ST8SIA5: variants seen among roughly 807,000 people sequenced by gnomAD.
ST8SIA5 encodes ST8 alpha-N-acetyl-neuraminide alpha-2,8-sialyltransferase 5, also known as alpha-2,8-sialyltransferase 8E.
A neutral mutation model predicts 40.2 loss-of-function variants in ST8SIA5; 24 were observed. The observed-to-expected ratio is 0.60, with a 90% CI of 0.43 to 0.84. The LOEUF (loss-of-function observed/expected upper bound fraction) is 0.84, where lower values mean the gene tolerates loss of function less well. Ranked by LOEUF, ST8SIA5 falls within the 40% of genes least tolerant of loss-of-function variation. ST8SIA5 has a pLI of 0.00. For synonymous variants in ST8SIA5, 198 were observed against 201.8 expected, an observed-to-expected ratio of 0.98 and a Z score of 0.16; for missense variants, 465 against 498.5, an observed-to-expected ratio of 0.93 and a Z score of 0.64.
intron 1 of ST8SIA5, chr18:46,730,276 G>A (rs1599141255): frequency 2.0e-6 from 2 of 984,220 alleles, no homozygotes; most frequent in Non-Finnish European, 2.4e-6. Context: ...CTAGCAGTGT[G>A]ACTCTCAGCA....
chr18:46,682,152 C>T (rs1379947891), intron 5 of ST8SIA5, 88 bp from the exon 6 acceptor site: 2 of 1,045,752 alleles, frequency 1.9e-6, no homozygotes, highest in Non-Finnish European at 2.7e-6. Flanking sequence ...GGATGGTGAT[C>T]ATGTGGGCAG....
rs2039304866 is a variant in ST8SIA5 at position 46,670,841 on chromosome 18, C to G, written c.*9201G>C. On this transcript the variant is annotated 3_prime_UTR_variant, in exon 7 of 7. Transcript: ENST00000315087. ...ATGCCATCACAATTTAGGCTATTAG[C>G]TGCCACTTCTTGCTTTATCTAGCAC... 1 of 152,122 alleles carries G rather than the reference C, an allele frequency of 6.6e-6. No homozygotes were observed. The highest frequency in any genetic ancestry group is 2.4e-5 in the African/African-American group (1 of 41,430). The allele number at this position is 152,122 out of a possible 1,614,324, so 9.4% of individuals were successfully genotyped here.
intron 1 of ST8SIA5, among the ~76,000 whole-genome samples, chr18:46,743,940 C>T (rs2040112488): frequency 6.6e-6 from 1 of 152,196 alleles, no homozygotes; most frequent in Admixed American, 6.5e-5. Flanking sequence ...ATTTTCAACC[C>T]AGAATTTCAT....
rs144393434 is a variant in ST8SIA5 at position 46,754,604 on chromosome 18, A to G, written c.131+1774T>C. Among the ~76,000 whole-genome samples, 508 of 152,278 alleles carry G rather than the reference A, an allele frequency of 3.3e-3. 2 individuals carry two copies. The highest frequency in any genetic ancestry group is 6.8e-3 in the Middle Eastern group (2 of 294). The stretch of plus-strand genomic sequence containing the variant: ...GAGTGAGGCCTGCAAGATAGCATCT[A>G]TGCGATTCAGGGGGTCAGGGTCTCT... On this transcript the variant is annotated intron_variant, in intron 1 of 6. Transcript: ENST00000315087.
intron 2 of ST8SIA5, among the ~76,000 whole-genome samples, chr18:46,693,966 T>C (rs894179657): frequency 4.6e-5 from 7 of 152,240 alleles, no homozygotes; most frequent in African/African-American, 1.7e-4. Context: ...AACCAATTCC[T>C]TCCTGCTTTC....
intron 1 of ST8SIA5, among the ~76,000 whole-genome samples, chr18:46,717,190 A>G (rs1372817650): frequency 6.6e-6 from 1 of 152,238 alleles, no homozygotes; most frequent in African/African-American, 2.4e-5. Context: ...AGGCCAGTCC[A>G]GAGGGAACAG....
chr18:46,732,348 C>T (rs34679128), intron 1 of ST8SIA5, among the ~76,000 whole-genome samples: 83,421 of 152,082 alleles, frequency 0.55, 23,258 homozygotes, highest in African/African-American at 0.64. Context: ...AGTCCTGACT[C>T]CCAGTTCAGG....
rs1274315553 is a variant in ST8SIA5, at chr18:46,674,478, C to T, written c.*5564G>A. 6.6e-6 allele frequency: 1 copy of T among 152,184 alleles called. No homozygotes were observed. Among genetic ancestry groups the T allele is most frequent in the Admixed American group, 6.5e-5 (1 of 15,284 alleles). The allele number at this position is 152,184 out of a possible 1,614,324, so 9.4% of individuals were successfully genotyped here. On this transcript the variant is annotated 3_prime_UTR_variant, in exon 7 of 7. Coordinates refer to ENST00000315087, the MANE Select transcript of ST8SIA5 (RefSeq NM_013305.6). ...GGACTCTCCTCAGCTGACAATTTCC[C>T]CAAGGTGTTACTCAGTTTATTAGCG...
At chr18:46,714,909 A>T (rs1326861387) in intron 1 of ST8SIA5, among the ~76,000 whole-genome samples, 1 of 152,138 alleles carries the variant, frequency 6.6e-6, no homozygotes, top group Non-Finnish European at 1.5e-5. Context: ...AAAGCCATAA[A>T]GCTTTGGGTT....
Position 46,669,268 on chromosome 18 carries a change from G to C in ST8SIA5, c.*10774C>G, listed in dbSNP as rs1459525664. The C allele has an allele frequency of 6.6e-6, 1 of 152,284 alleles. No homozygotes were observed. Among genetic ancestry groups the C allele is most frequent in the Non-Finnish European group, 1.5e-5 (1 of 68,162 alleles). 9.4% of individuals were successfully genotyped at this position (152,284 alleles called of 1,614,324 possible). A position where few individuals can be genotyped will look rare whatever the true frequency, so the allele number is the denominator to read the frequency against. On this transcript the variant is annotated 3_prime_UTR_variant, in exon 7 of 7. Coordinates refer to ENST00000315087, the MANE Select transcript of ST8SIA5 (RefSeq NM_013305.6). ...GGGCTAGAGCGGGACACTGGCCACC[G>C]TCCCCTGCCCTCCAGTTCCTCCCAC...
At chr18:46,690,863 G>A (rs773397389) in intron 3 of ST8SIA5, among the ~76,000 whole-genome samples, 9 of 152,048 alleles carry the variant, frequency 5.9e-5, no homozygotes, top group African/African-American at 1.9e-4. Context: ...TGATTCACCC[G>A]CCTTGGCCTC....
intron 1 of ST8SIA5, among the ~76,000 whole-genome samples, chr18:46,744,191 C>T (rs956679718): frequency 3.3e-5 from 5 of 152,256 alleles, no homozygotes; most frequent in Admixed American, 6.5e-5. Context: ...ATCATAATGA[C>T]GGGATCAAAT....
chr18:46,756,929 C>A lies in ST8SIA5; in HGVS notation c.-421G>T, dbSNP rs1445057807. Reference sequence around the variant, plus strand: ...CTGTGCGCCCCAGCGCGCCGCGCATCGACCCCTCCAGTCCGGCGCCGGATC... The same window carrying A: ...CTGTGCGCCCCAGCGCGCCGCGCATAGACCCCTCCAGTCCGGCGCCGGATC... On this transcript the variant is annotated 5_prime_UTR_variant, in exon 1 of 7. Coordinates refer to ENST00000315087, the MANE Select transcript of ST8SIA5 (RefSeq NM_013305.6). The A allele has an allele frequency of 1.1e-5, 2 of 181,178 alleles. No individual in the cohort carries two copies. Among genetic ancestry groups the A allele is most frequent in the African/African-American group, 4.8e-5 (2 of 41,756 alleles). The allele number at this position is 181,178 out of a possible 1,614,324, so 11.2% of individuals were successfully genotyped here.
At chr18:46,755,890 G>A (rs2144581068) in intron 1 of ST8SIA5, among the ~76,000 whole-genome samples, 1 of 152,238 alleles carries the variant, frequency 6.6e-6, no homozygotes, top group South Asian at 2.1e-4. Context: ...CACCCCCACC[G>A]AACCCGAAGC....
intron 1 of ST8SIA5, among the ~76,000 whole-genome samples, chr18:46,708,360 G>C (rs2039689555): frequency 6.6e-6 from 1 of 152,166 alleles, no homozygotes; most frequent in African/African-American, 2.4e-5. Flanking sequence ...ACTAAGTCCT[G>C]CTTGGACATG....
chr18:46,729,878 C>T (rs2039969777), intron 1 of ST8SIA5, among the ~76,000 whole-genome samples: 1 of 151,882 alleles, frequency 6.6e-6, no homozygotes, highest in Non-Finnish European at 1.5e-5. Context: ...CGGAAGAGTC[C>T]AGAGGTTAGG....
At position 46,670,342 on chromosome 18, in the gene ST8SIA5, T is replaced by A. The variant is rs112530539; in HGVS notation, c.*9700A>T. On this transcript the variant is annotated 3_prime_UTR_variant, in exon 7 of 7. Transcript: ENST00000315087. ...CAGGGTGAACTGAGCTGAAATGCTG[T>A]GTTGCTCCCGGGGTTATTATAACAT... is the stretch of plus-strand genomic sequence containing the variant. 6.6e-6 allele frequency: 1 copy of A among 152,254 alleles called. No individual in the cohort carries two copies. Among genetic ancestry groups the A allele is most frequent in the South Asian group, 2.1e-4 (1 of 4,832 alleles). The allele number at this position is 152,254 out of a possible 1,614,324, so 9.4% of individuals were successfully genotyped here. A position where few individuals can be genotyped will look rare whatever the true frequency, so the allele number is the denominator to read the frequency against.
intron 2 of ST8SIA5, among the ~76,000 whole-genome samples, chr18:46,697,038 C>A (rs886089271): frequency 1.3e-5 from 2 of 151,436 alleles, no homozygotes; most frequent in African/African-American, 2.4e-5. Flanking sequence ...TACACTCCCC[C>A]TACCCCACCA....
At chr18:46,721,349 C>T (rs1324720426) in intron 1 of ST8SIA5, 2 of 1,535,860 alleles carry the variant, frequency 1.3e-6, no homozygotes, top group East Asian at 2.4e-5. Context: ...TGGCCTTTTG[C>T]CGGGGTCTGT....
Sources: gnomAD v4.1 joint callset for allele counts (sites outside exome capture counted in the v4.1 genomes callset) on GRCh38, gnomAD v4.1.1 for gene constraint, MANE v1.5 for transcripts, NCBI Gene and HGNC (gene_info 2026-07-23, HGNC 2026-07-21) for gene names.